Variants in TRPM3 observed in about 807,000 individuals in gnomAD.
The protein encoded by TRPM3 is long transient receptor potential channel 3.
Under a neutral mutation model 181.2 loss-of-function variants are expected in TRPM3, and 77 were observed. The ratio of observed to expected loss-of-function variants is 0.42; its 90% confidence interval spans 0.35 to 0.51. The LOEUF is 0.51. Among genes scored for constraint, TRPM3 ranks in the 20% least tolerant of loss-of-function variants. The pLI, the probability that TRPM3 is intolerant of heterozygous loss-of-function variation, is 0.01. For missense variants in TRPM3, 1,759 were observed against 2,196.7 expected (o/e 0.80, Z 3.98); for synonymous variants, 745 against 796.4 (o/e 0.94, Z 1.09).
intron 1 of TRPM3, among the ~76,000 whole-genome samples, chr9:71,064,422 G>GT (rs34258713): frequency 0.1 from 14,617 of 142,774 alleles, 793 homozygotes; most frequent in Non-Finnish European, 0.13. Flanking sequence ...TATCACCATG[G>GT]TTTTTTTTTT....
At chr9:71,395,188 T>C (rs1347177095) in intron 1 of TRPM3, among the ~76,000 whole-genome samples, 1 of 152,192 alleles carries the variant, frequency 6.6e-6, no homozygotes, top group Non-Finnish European at 1.5e-5. Context: ...CAAGTCCACA[T>C]CTATCTTCTC....
At chr9:71,420,184 T>G (rs1272838678) in intron 1 of TRPM3, among the ~76,000 whole-genome samples, 1 of 151,880 alleles carries the variant, frequency 6.6e-6, no homozygotes, top group Non-Finnish European at 1.5e-5. Flanking sequence ...TATCATGAGG[T>G]GCATGGTGGG....
intron 1 of TRPM3, among the ~76,000 whole-genome samples, chr9:71,389,351 C>T (rs949990885): frequency 4.0e-5 from 6 of 151,692 alleles, no homozygotes; most frequent in South Asian, 2.1e-4. Flanking sequence ...CGTGTGGATG[C>T]GGTGATCAGG....
chr9:70,737,447 T>C (rs1392129680), intron 8 of TRPM3, among the ~76,000 whole-genome samples: 1 of 15,472 alleles, frequency 6.5e-5, no homozygotes, highest in East Asian at 1.1e-3. Context: ...AAAAACACAC[T>C]GAAAACAACA....
At chr9:70,576,616 G>C (rs2054074157) in intron 22 of TRPM3, among the ~76,000 whole-genome samples, 2 of 151,552 alleles carry the variant, frequency 1.3e-5, no homozygotes, top group African/African-American at 2.4e-5. Context: ...CTGGATTCAA[G>C]TGGTTTTCCT....
intron 1 of TRPM3, among the ~76,000 whole-genome samples, chr9:71,305,837 G>C (rs1022957374): frequency 6.6e-6 from 1 of 151,962 alleles, no homozygotes; most frequent in Non-Finnish European, 1.5e-5. Flanking sequence ...ATATCTGCTC[G>C]TTACTAGGAA....
chr9:70,858,320 T>C (rs1023873313), intron 3 of TRPM3, among the ~76,000 whole-genome samples: 11 of 152,156 alleles, frequency 7.2e-5, no homozygotes, highest in Non-Finnish European at 1.3e-4. Context: ...CATGCAAAGA[T>C]TGGCACTCTT....
chr9:71,231,533 G>C (rs922007634), intron 1 of TRPM3, among the ~76,000 whole-genome samples: 7 of 152,116 alleles, frequency 4.6e-5, no homozygotes, highest in Admixed American at 6.6e-5. Context: ...ACAGATCTGT[G>C]CTCTTTTTTT....
intron 1 of TRPM3, among the ~76,000 whole-genome samples, chr9:71,087,238 G>C (rs117749362): frequency 6.6e-6 from 1 of 151,752 alleles, no homozygotes; most frequent in African/African-American, 2.4e-5. Context: ...ATAGCTTTTC[G>C]CCTTGCTACT....
chr9:70,961,286 A>T (rs1375668380), intron 1 of TRPM3, among the ~76,000 whole-genome samples: 1 of 100,582 alleles, frequency 9.9e-6, no homozygotes, highest in Admixed American at 1.0e-4. Flanking sequence ...AGTCTCCAGA[A>T]GACATACAGC....
intron 1 of TRPM3, among the ~76,000 whole-genome samples, chr9:71,096,255 C>T (rs891033824): frequency 1.4e-5 from 2 of 148,048 alleles, no homozygotes; most frequent in Middle Eastern, 3.4e-3. Context: ...GACTGTGAGT[C>T]CCTCTTATTT....
intron 1 of TRPM3, among the ~76,000 whole-genome samples, chr9:70,884,430 ACCATTCAT>A (rs2096053975): frequency 6.6e-6 from 1 of 152,146 alleles, no homozygotes; most frequent in African/African-American, 2.4e-5. Context: ...AACTAAATTA[ACCATTCAT>A]CTGAGAATGC....
intron 8 of TRPM3, among the ~76,000 whole-genome samples, chr9:70,745,459 C>T (rs1296933864): frequency 1.3e-5 from 2 of 152,018 alleles, no homozygotes; most frequent in Non-Finnish European, 2.9e-5. Context: ...ATCTTCTTTC[C>T]ACTATTTTAT....
chr9:70,835,040 C>T (rs917269729), intron 5 of TRPM3, among the ~76,000 whole-genome samples: 3 of 152,150 alleles, frequency 2.0e-5, no homozygotes, highest in African/African-American at 4.8e-5. Context: ...CTTGCTCTGT[C>T]AGTGCACATG....
chr9:71,163,962 G>A (rs1460092031), intron 1 of TRPM3, among the ~76,000 whole-genome samples: 1 of 152,172 alleles, frequency 6.6e-6, no homozygotes, highest in Non-Finnish European at 1.5e-5. Flanking sequence ...GGTCATTGTG[G>A]CCAGAAAATT....
intron 1 of TRPM3, among the ~76,000 whole-genome samples, chr9:70,909,040 T>C (rs2096505671): frequency 6.6e-6 from 1 of 152,134 alleles, no homozygotes; most frequent in Non-Finnish European, 1.5e-5. Flanking sequence ...TTCTTTGGAG[T>C]AGGCAAAGAT....
At chr9:71,290,470 C>G in intron 1 of TRPM3, among the ~76,000 whole-genome samples, 1 of 151,728 alleles carries the variant, frequency 6.6e-6, no homozygotes, top group East Asian at 1.9e-4. Flanking sequence ...ATTGAATGTC[C>G]AATAGAATGA....
intron 1 of TRPM3, among the ~76,000 whole-genome samples, chr9:71,212,589 T>C (rs369412485): frequency 1.3e-5 from 2 of 152,174 alleles, no homozygotes; most frequent in South Asian, 2.1e-4. Flanking sequence ...TGTATTTGAT[T>C]GCTGAACCCA....
At chr9:71,032,066 ATT>A (rs1565024243) in intron 1 of TRPM3, among the ~76,000 whole-genome samples, 6 of 7,320 alleles carry the variant, frequency 8.2e-4, no homozygotes, top group African/African-American at 4.6e-3. Flanking sequence ...TATTATATAT[ATT>A]ATATTATATT....
Sources: gnomAD v4.1 joint callset for allele counts (sites outside exome capture counted in the v4.1 genomes callset) on GRCh38, gnomAD v4.1.1 for gene constraint, MANE v1.5 for transcripts, NCBI Gene and HGNC (gene_info 2026-07-23, HGNC 2026-07-21) for gene names.